The following RPN2 variants were observed in gnomAD, a reference collection of about 807,000 sequenced individuals.
RPN2 encodes ribophorin II, also known as dolichyl-diphosphooligosaccharide--protein glycosyltransferase subunit 2.
A neutral mutation model predicts 71.4 loss-of-function variants in RPN2; 29 were observed. The ratio of observed to expected loss-of-function variants is 0.41; its 90% confidence interval spans 0.30 to 0.55. The LOEUF (loss-of-function observed/expected upper bound fraction) is 0.55. Ranked by LOEUF, RPN2 falls within the 20% of genes least tolerant of loss-of-function variation. The pLI is 0.35. For missense variants in RPN2, 726 were observed against 774.1 expected (o/e 0.94, Z 0.74); for synonymous variants, 308 against 305.0 (o/e 1.01, Z -0.10).
intron 2 of RPN2, among the ~76,000 whole-genome samples, chr20:37,197,049 G>A (rs1315512469): frequency 6.6e-6 from 1 of 152,176 alleles, no homozygotes; most frequent in African/African-American, 2.4e-5. Context: ...GGAAGGACAA[G>A]GAAAAGGTGC....
intron 2 of RPN2, among the ~76,000 whole-genome samples, chr20:37,188,271 C>A (rs147961074): frequency 2.1e-4 from 32 of 151,722 alleles, no homozygotes; most frequent in African/African-American, 7.5e-4. Flanking sequence ...TGGGTTCAAG[C>A]GATTCCCCTG....
At chr20:37,196,763 T>C (rs752213521) in intron 2 of RPN2, among the ~76,000 whole-genome samples, 2 of 152,240 alleles carry the variant, frequency 1.3e-5, no homozygotes, top group Non-Finnish European at 2.9e-5. Context: ...ATTGGCAGTC[T>C]ATTGATTTGA....
At chr20:37,220,129 T>C (rs912936579) in intron 9 of RPN2, among the ~76,000 whole-genome samples, 1 of 152,058 alleles carries the variant, frequency 6.6e-6, no homozygotes. Context: ...AGTGATGGAG[T>C]AAGCATTACA....
At chr20:37,231,374 A>C (rs1208246309) in intron 13 of RPN2, among the ~76,000 whole-genome samples, 1 of 151,810 alleles carries the variant, frequency 6.6e-6, no homozygotes, top group Non-Finnish European at 1.5e-5. Context: ...AAAAACAAAA[A>C]ACAAAAAAAA....
intron 7 of RPN2, among the ~76,000 whole-genome samples, chr20:37,208,564 C>G (rs2067577497): frequency 6.6e-6 from 1 of 152,082 alleles, no homozygotes; most frequent in South Asian, 2.1e-4. Context: ...TCAATTAATT[C>G]TGGTGTTTAT....
At chr20:37,215,733 C>T (rs540675831) in intron 9 of RPN2, among the ~76,000 whole-genome samples, 8 of 152,202 alleles carry the variant, frequency 5.3e-5, no homozygotes, top group Admixed American at 1.3e-4. Flanking sequence ...CTCTATTCTC[C>T]ATATTCGTAC....
At chr20:37,222,223 A>G (rs2067975881) in intron 9 of RPN2, among the ~76,000 whole-genome samples, 1 of 152,174 alleles carries the variant, frequency 6.6e-6, no homozygotes, top group East Asian at 1.9e-4. Flanking sequence ...GGGGGTGTCT[A>G]TTCAACCTGA....
At chr20:37,229,048 C>T (rs2068161867) in intron 12 of RPN2, among the ~76,000 whole-genome samples, 1 of 152,148 alleles carries the variant, frequency 6.6e-6, no homozygotes, top group Non-Finnish European at 1.5e-5. Context: ...TTATAGCAGG[C>T]ACTATTGGGG....
rs115373630 is a variant in RPN2, at chr20:37,186,768, C to T, written c.207+2395C>T. ...TGGTATCTCTTAAGACTCTTTTCACCGATAATAGTTCCCATTCCCTCTTTT... is the reference window on the plus strand; with the variant it reads ...TGGTATCTCTTAAGACTCTTTTCACTGATAATAGTTCCCATTCCCTCTTTT... On this transcript the variant is annotated intron_variant, in intron 2 of 16. Transcript: ENST00000237530. 2.1e-3 allele frequency among the ~76,000 whole-genome samples: 315 copies of T among 152,296 alleles called. 1 individual carries two copies. The highest frequency in any genetic ancestry group is 7.3e-3 in the African/African-American group (304 of 41,546).
rs781412453 is a variant in RPN2, at chr20:37,210,164, G to A, written c.985G>A (p.Gly329Arg). ...VLQKTSFTPV[G>R]DVFELNFMNV... Reference sequence around the variant, plus strand: ...CCAGAAGACATCCTTCACCCCTGTAGGGTAAGTCCTGATCATATTTTGGTG... The same window carrying A: ...CCAGAAGACATCCTTCACCCCTGTAAGGTAAGTCCTGATCATATTTTGGTG... The change falls in exon 8 of 17, where the codon GGG becomes AGG. Residue 329 changes from glycine (G) to arginine (R), a missense_variant and splice_region_variant. Gly to Arg is a moderately radical substitution (Grantham distance 125, BLOSUM62 -2). Transcript: ENST00000237530. The A allele has an allele frequency of 4.3e-6, 7 of 1,613,738 alleles. No homozygotes were observed. Among genetic ancestry groups the A allele is most frequent in the Non-Finnish European group, 4.2e-6 (5 of 1,179,982 alleles).
chr20:37,239,071 GGGAGGGAAGT>G (rs1220617325), intron 16 of RPN2, among the ~76,000 whole-genome samples: 2 of 152,224 alleles, frequency 1.3e-5, no homozygotes, highest in East Asian at 1.9e-4. Flanking sequence ...GTCCTAGGAT[GGGAGGGAAGT>G]GGAGGGAAGG....
Position 37,204,835 on chromosome 20 carries a change from A to G in RPN2, c.624A>G (p.Thr208=). Residue 208 remains threonine (T), a synonymous_variant, in exon 6 of 17, where the codon ACA becomes ACG. Coordinates refer to ENST00000237530, the MANE Select transcript of RPN2 (RefSeq NM_002951.5). ...YLQFEEGLET[T]ALFVAATYKL... ...AGTTTGAAGAAGGACTGGAAACAAC[A>G]GCGTTATTTGTGGCTGCCACCTACA... 1 of 1,614,138 alleles carries G rather than the reference A, an allele frequency of 6.2e-7. No individual in the cohort carries two copies. The highest frequency in any genetic ancestry group is 1.1e-5 in the South Asian group (1 of 91,080).
chr20:37,210,398 T>C (rs777097988), intron 8 of RPN2, among the ~76,000 whole-genome samples: 19 of 152,218 alleles, frequency 1.2e-4, no homozygotes, highest in Non-Finnish European at 2.2e-4. Flanking sequence ...AGTAGCTATT[T>C]TGAAATTTAA....
intron 2 of RPN2, among the ~76,000 whole-genome samples, chr20:37,185,602 A>G (rs541052433): frequency 8.5e-5 from 13 of 152,142 alleles, no homozygotes; most frequent in Non-Finnish European, 1.8e-4. Flanking sequence ...TTATTGGCTT[A>G]TATGGCTTAT....
chr20:37,229,386 A>C (rs975816268), intron 12 of RPN2, among the ~76,000 whole-genome samples: 76 of 152,188 alleles, frequency 5.0e-4, no homozygotes, highest in African/African-American at 1.7e-3. Flanking sequence ...GAAGAGCTCA[A>C]GGTGCTTTCA....
At chr20:37,236,118 CGAG>C (rs1569001968) in intron 15 of RPN2, among the ~76,000 whole-genome samples, 1 of 61,390 alleles carries the variant, frequency 1.6e-5, no homozygotes, top group African/African-American at 6.1e-5. Flanking sequence ...TGTTTTGAGA[CGAG>C]GTATCACTGT....
chr20:37,224,018 G>T, intron 10 of RPN2, 49 bp downstream of exon 10: 2 of 1,509,982 alleles, frequency 1.3e-6, no homozygotes, highest in East Asian at 2.3e-5. Context: ...CTCAAGAGCT[G>T]AGAGGAGTAT....
chr20:37,186,342 T>C (rs2067009304), intron 2 of RPN2, among the ~76,000 whole-genome samples: 1 of 152,240 alleles, frequency 6.6e-6, no homozygotes, highest in Non-Finnish European at 1.5e-5. Context: ...GAATTCTGCC[T>C]ACCATTTCTT....
rs1271372066 is a variant in RPN2 at position 37,210,168 on chromosome 20, A to G, written c.986+3A>G. 16 of 1,613,732 alleles carry G rather than the reference A, an allele frequency of 9.9e-6. No individual in the cohort carries two copies. Among genetic ancestry groups the G allele is most frequent in the Admixed American group, 1.7e-5 (1 of 59,998 alleles). On this transcript the variant is annotated splice_donor_region_variant and intron_variant, in intron 8 of 16. Transcript: ENST00000237530. ...AAGACATCCTTCACCCCTGTAGGGT[A>G]AGTCCTGATCATATTTTGGTGGGGC...
Sources: allele counts gnomAD v4.1 joint callset (sites outside exome capture counted in the v4.1 genomes callset), GRCh38; gene constraint gnomAD v4.1.1; transcripts MANE v1.5; gene names NCBI Gene and HGNC (gene_info 2026-07-23, HGNC 2026-07-21).